Variants in COL21A1 observed in about 807,000 individuals in gnomAD.
COL21A1 encodes the protein collagen alpha-1(XXI) chain.
Under a neutral mutation model 137.9 loss-of-function variants are expected in COL21A1, and 149 were observed. The ratio of observed to expected loss-of-function variants is 1.08; its 90% CI spans 0.95 to 1.24. The LOEUF (loss-of-function observed/expected upper bound fraction) is 1.24. Ranked by LOEUF, COL21A1 falls within the 50% of genes most tolerant of loss-of-function variation. The pLI, the probability that COL21A1 is intolerant of heterozygous loss-of-function variation, is 0.00. For missense variants in COL21A1, 1,167 were observed against 1,158.4 expected (o/e 1.01, Z -0.11); for synonymous variants, 456 against 391.5 (o/e 1.16, Z -1.95).
At chr6:56,140,651 T>C (rs561125616) in intron 12 of COL21A1, among the ~76,000 whole-genome samples, 8 of 152,232 alleles carry the variant, frequency 5.3e-5, no homozygotes, top group South Asian at 2.1e-4. Flanking sequence ...AAACCTTCAA[T>C]TAACTTACTA....
chr6:56,071,558 T>G (rs1033819331), intron 20 of COL21A1, among the ~76,000 whole-genome samples: 1 of 151,700 alleles, frequency 6.6e-6, no homozygotes, highest in South Asian at 2.1e-4. Context: ...CAACTTGGGT[T>G]TACTAATCAG....
chr6:56,128,399 C>A (rs747907513), intron 12 of COL21A1, among the ~76,000 whole-genome samples: 1 of 152,104 alleles, frequency 6.6e-6, no homozygotes, highest in Non-Finnish European at 1.5e-5. Flanking sequence ...TTTGGTGATT[C>A]TTTATTGTCA....
chr6:56,262,768 C>T (rs1249804415), intron 1 of COL21A1, among the ~76,000 whole-genome samples: 2 of 152,058 alleles, frequency 1.3e-5, no homozygotes, highest in Non-Finnish European at 2.9e-5. Flanking sequence ...AAAATCCAAC[C>T]TCCCTCTAAC....
chr6:56,253,153 C>T (rs939165986), intron 1 of COL21A1, among the ~76,000 whole-genome samples: 6 of 152,200 alleles, frequency 3.9e-5, no homozygotes, highest in Non-Finnish European at 5.9e-5. Context: ...GAATTCATAG[C>T]CCTACCCTGA....
At chr6:56,309,858 T>G (rs1224392676) in intron 1 of COL21A1, among the ~76,000 whole-genome samples, 14 of 152,184 alleles carry the variant, frequency 9.2e-5, no homozygotes, top group Non-Finnish European at 2.1e-4. Context: ...TAGTAAGCAC[T>G]CAATTATTAC....
chr6:56,098,982 T>G (rs62404897), intron 17 of COL21A1, among the ~76,000 whole-genome samples: 22,821 of 150,360 alleles, frequency 0.15, 1,770 homozygotes, highest in Middle Eastern at 0.22. Context: ...CCCAAAGTGC[T>G]GGGATTACAG....
At chr6:56,358,237 G>A (rs900073104) in intron 1 of COL21A1, among the ~76,000 whole-genome samples, 6 of 152,042 alleles carry the variant, frequency 3.9e-5, no homozygotes, top group Admixed American at 3.3e-4. Flanking sequence ...CATTCTCAAC[G>A]AGATGTAGAT....
chr6:56,234,469 T>A (rs1232284196), intron 1 of COL21A1, among the ~76,000 whole-genome samples: 2 of 151,860 alleles, frequency 1.3e-5, no homozygotes, highest in Admixed American at 6.6e-5. Context: ...GTCATGAACA[T>A]TTTCTATAAA....
intron 1 of COL21A1, among the ~76,000 whole-genome samples, chr6:56,297,265 A>G (rs1309192091): frequency 6.6e-6 from 1 of 152,106 alleles, no homozygotes; most frequent in Non-Finnish European, 1.5e-5. Context: ...TGGTTTCTAT[A>G]TTCCCTGTCC....
chr6:56,198,575 G>C (rs1779184168), intron 1 of COL21A1, among the ~76,000 whole-genome samples: 1 of 151,884 alleles, frequency 6.6e-6, no homozygotes, highest in Non-Finnish European at 1.5e-5. Flanking sequence ...AAAGAATACA[G>C]GCCAACAAGG....
chr6:56,164,314 A>T (rs1776404921), intron 9 of COL21A1, 109 bp downstream of exon 9: 1 of 768,332 alleles, frequency 1.3e-6, no homozygotes. Flanking sequence ...ACTCTATAAG[A>T]AATCAGATAG....
rs777036899 is a variant in COL21A1, at chr6:56,141,932, G to T, written c.1486C>A (p.Gln496Lys). ...TPGVPGSPGI[Q>K]GARGLPGYKG... ...ATGTATATAAGTGGATCACATACTTGTATTCCTGGAGATCCTGGAACACCT... is the reference window on the plus strand; with the variant it reads ...ATGTATATAAGTGGATCACATACTTTTATTCCTGGAGATCCTGGAACACCT... The change falls in exon 11 of 30, where the codon CAA becomes AAA. Residue 496 changes from glutamine to lysine, a missense_variant and splice_region_variant. Coordinates refer to ENST00000244728, the MANE Select transcript of COL21A1 (RefSeq NM_030820.4). The T allele has an allele frequency of 6.4e-7, 1 of 1,551,460 alleles. No homozygotes were observed. Among genetic ancestry groups the T allele is most frequent in the South Asian group, 1.2e-5 (1 of 84,130 alleles).
chr6:56,313,827 C>A (rs1378301062), intron 1 of COL21A1, among the ~76,000 whole-genome samples: 4 of 152,136 alleles, frequency 2.6e-5, no homozygotes, highest in African/African-American at 9.7e-5. Context: ...GATGCCCCAG[C>A]CAAATCAGCC....
chr6:56,356,561 T>A (rs1765836018), intron 1 of COL21A1, among the ~76,000 whole-genome samples: 1 of 152,230 alleles, frequency 6.6e-6, no homozygotes. Context: ...CATGATTTTC[T>A]CATAAAAGGT....
chr6:56,168,007 A>T, intron 6 of COL21A1, 117 bp downstream of exon 6: 1 of 680,326 alleles, frequency 1.5e-6, no homozygotes, highest in Non-Finnish European at 2.2e-6. Context: ...ATTTTGGTGA[A>T]CAACTTAAGG....
chr6:56,279,246 A>T (rs897764416), intron 1 of COL21A1, among the ~76,000 whole-genome samples: 2 of 152,042 alleles, frequency 1.3e-5, no homozygotes, highest in Admixed American at 6.6e-5. Flanking sequence ...TTCTGCCATG[A>T]TTGTAAGTTT....
At chr6:56,353,860 T>C (rs1371015693) in intron 1 of COL21A1, among the ~76,000 whole-genome samples, 1 of 151,630 alleles carries the variant, frequency 6.6e-6, no homozygotes, top group East Asian at 1.9e-4. Flanking sequence ...CAACAAAAAG[T>C]AGAACAAAAA....
In COL21A1 at chr6:56,344,736, C is replaced by T. The variant is rs535416266; in HGVS notation, c.-39+49235G>A. On this transcript the variant is annotated intron_variant, in intron 1 of 28. Coordinates refer to the COL21A1 transcript ENST00000370819. ...GGGGGCAGATTTCCCCCTTGCTGTTCTCGTGATAGTGGGTGAGTTCTCATG... is the reference window on the plus strand; with the variant it reads ...GGGGGCAGATTTCCCCCTTGCTGTTTTCGTGATAGTGGGTGAGTTCTCATG... Among the ~76,000 whole-genome samples the T allele has an allele frequency of 2.3e-3, 348 of 152,158 alleles. 1 individual carries two copies. The highest frequency in any genetic ancestry group is 2.1e-3 in the Non-Finnish European group (140 of 68,014).
intron 24 of COL21A1, among the ~76,000 whole-genome samples, chr6:56,062,978 A>C (rs1765941800): frequency 6.6e-6 from 1 of 152,136 alleles, no homozygotes; most frequent in Non-Finnish European, 1.5e-5. Context: ...GCCAAAAAAT[A>C]CACATGTGTT....
Sources: gnomAD v4.1 joint callset for allele counts (sites outside exome capture counted in the v4.1 genomes callset) on GRCh38, gnomAD v4.1.1 for gene constraint, MANE v1.5 for transcripts, NCBI Gene and HGNC (gene_info 2026-07-23, HGNC 2026-07-21) for gene names.